The following TENM3 variants were observed in gnomAD, a reference collection of about 807,000 sequenced individuals.
TENM3 encodes teneurin-3.
In TENM3, 63 loss-of-function variants were observed where a neutral mutation model predicts 255.1. That is an observed-to-expected ratio of 0.25 (90% confidence interval 0.20 to 0.30). The LOEUF is 0.30. Ranked by LOEUF, TENM3 falls within the 10% of genes least tolerant of loss-of-function variation. TENM3 has a pLI of 1.00. For missense variants in TENM3, 2,929 were observed against 3,461.1 expected (o/e 0.85, Z 3.86); for synonymous variants, 1,306 against 1,322.3 (o/e 0.99, Z 0.27).
At chr4:181,830,401 T>C in the TENM3 span, among the ~76,000 whole-genome samples, 1 of 152,070 alleles carries the variant, frequency 6.6e-6, no homozygotes, top group Non-Finnish European at 1.5e-5. Context: ...CCCAAGTAGC[T>C]TGGGATTACA....
chr4:182,564,866 A>G (rs1442594300), intron 3 of TENM3, among the ~76,000 whole-genome samples: 1 of 152,190 alleles, frequency 6.6e-6, no homozygotes, highest in African/African-American at 2.4e-5. Context: ...ATTTTTAAAT[A>G]TACAAGTTTA....
chr4:182,775,936 A>G (rs1764651552), intron 24 of TENM3, among the ~76,000 whole-genome samples: 1 of 151,504 alleles, frequency 6.6e-6, no homozygotes, highest in Non-Finnish European at 1.5e-5. Context: ...CCATAACAAG[A>G]TAGATAGGAG....
the TENM3 span, among the ~76,000 whole-genome samples, chr4:181,887,987 A>G: frequency 1.3e-5 from 2 of 152,140 alleles, no homozygotes; most frequent in African/African-American, 4.8e-5. Context: ...AGCTTCCCAG[A>G]TGAGGCTCAA....
At chr4:181,968,540 G>C in the TENM3 span, among the ~76,000 whole-genome samples, 2 of 152,004 alleles carry the variant, frequency 1.3e-5, no homozygotes, top group African/African-American at 4.8e-5. Flanking sequence ...TTTTCCTCTT[G>C]ACTCATAAAA....
the TENM3 span, among the ~76,000 whole-genome samples, chr4:181,567,581 C>T: frequency 6.6e-6 from 1 of 152,158 alleles, no homozygotes; most frequent in African/African-American, 2.4e-5. Flanking sequence ...AAATTCTGAC[C>T]TTAGGGCTAA....
intron 5 of TENM3, among the ~76,000 whole-genome samples, chr4:182,642,708 G>A (rs1191921993): frequency 6.6e-6 from 1 of 152,170 alleles, no homozygotes; most frequent in Admixed American, 6.6e-5. Context: ...TATACTTTTA[G>A]AATGTTATCA....
At chr4:182,765,723 CTG>C (rs1763661661) in intron 22 of TENM3, among the ~76,000 whole-genome samples, 1 of 152,180 alleles carries the variant, frequency 6.6e-6, no homozygotes, top group Non-Finnish European at 1.5e-5. Context: ...AACTGCATGA[CTG>C]TGAGAGTCAG....
Position 182,196,901 on chromosome 4 carries a change from T to G in TENM3, c.-76+52147T>G, listed in dbSNP as rs561692314. Among the ~76,000 whole-genome samples, 92 of 152,162 alleles carry G rather than the reference T, an allele frequency of 6.0e-4. 2 individuals are homozygous for G. Among genetic ancestry groups the G allele is most frequent in the Non-Finnish European group, 1.1e-3 (72 of 68,040 alleles). On this transcript the variant is annotated intron_variant, in intron 1 of 2. Coordinates refer to the TENM3 transcript ENST00000512480. ...TCCTGCACTGGTCCTTCTTGTTTCC[T>G]TTCTCTCGTCCTCAAATGTGATGCA...
the TENM3 span, among the ~76,000 whole-genome samples, chr4:181,971,755 G>C: frequency 6.6e-6 from 1 of 151,860 alleles, no homozygotes; most frequent in African/African-American, 2.4e-5. Flanking sequence ...TGTTTGTAGA[G>C]ATGGATCTTT....
At chr4:181,677,194 T>C in the TENM3 span, among the ~76,000 whole-genome samples, 2 of 152,050 alleles carry the variant, frequency 1.3e-5, no homozygotes, top group Non-Finnish European at 2.9e-5. Flanking sequence ...ATTCACAAAT[T>C]TTATCTCCAG....
chr4:181,601,046 G>A, the TENM3 span, among the ~76,000 whole-genome samples: 1 of 152,082 alleles, frequency 6.6e-6, no homozygotes, highest in East Asian at 1.9e-4. Flanking sequence ...AGCCCAGAGT[G>A]GGGTCCCATC....
chr4:182,015,930 A>G, the TENM3 span, among the ~76,000 whole-genome samples: 1 of 152,194 alleles, frequency 6.6e-6, no homozygotes, highest in Non-Finnish European at 1.5e-5. Flanking sequence ...TTAAAAACAC[A>G]GGGATTGTTC....
At chr4:181,593,316 G>T in the TENM3 span, among the ~76,000 whole-genome samples, 5 of 152,172 alleles carry the variant, frequency 3.3e-5, no homozygotes, top group Non-Finnish European at 5.9e-5. Context: ...TTATAAACTG[G>T]CCATGTGCTG....
At chr4:181,567,781 C>T in the TENM3 span, among the ~76,000 whole-genome samples, 3 of 152,076 alleles carry the variant, frequency 2.0e-5, no homozygotes, top group Non-Finnish European at 4.4e-5. Context: ...TGAGGTCTTT[C>T]TACATATAAT....
chr4:182,105,521 T>C, the TENM3 span, among the ~76,000 whole-genome samples: 1 of 152,152 alleles, frequency 6.6e-6, no homozygotes, highest in Non-Finnish European at 1.5e-5. Flanking sequence ...CTCACTGTTA[T>C]GGTTTATTGC....
chr4:182,673,046 T>C lies in TENM3; in HGVS notation c.1153T>C (p.Ser385Pro), dbSNP rs1270509440. The change falls in exon 7 of 28, where the codon TCC becomes CCC. Residue 385 changes from serine to proline, a missense_variant. Physicochemically the swap from Ser to Pro is moderately conservative, Grantham distance 74. Transcript: ENST00000511685. ...TACGCAAGAAAATAACACCATAGATTCCGGAGAACTTGATATTGGCCGAAG... is the reference window on the plus strand; with the variant it reads ...TACGCAAGAAAATAACACCATAGATCCCGGAGAACTTGATATTGGCCGAAG... ...GFTQENNTID[S>P]GELDIGRRAI... is the part of the protein sequence containing the mutation. 6.2e-7 allele frequency: 1 copy of C among 1,604,898 alleles called. No individual in the cohort carries two copies. The highest frequency in any genetic ancestry group is 8.5e-7 in the Non-Finnish European group (1 of 1,174,870).
chr4:181,569,484 C>T, the TENM3 span, among the ~76,000 whole-genome samples: 2 of 152,132 alleles, frequency 1.3e-5, no homozygotes, highest in Admixed American at 6.6e-5. Flanking sequence ...TGGTAAGGTT[C>T]AGCCCATTTT....
intron 13 of TENM3, among the ~76,000 whole-genome samples, chr4:182,725,927 C>T (rs905925317): frequency 5.3e-5 from 8 of 152,074 alleles, no homozygotes; most frequent in East Asian, 1.9e-4. Context: ...TGTGAGCTAC[C>T]GCGCCCGGCT....
At chr4:182,668,091 T>C (rs990975229) in intron 6 of TENM3, among the ~76,000 whole-genome samples, 2 of 152,120 alleles carry the variant, frequency 1.3e-5, no homozygotes, top group African/African-American at 4.8e-5. Context: ...CTAGTAGTCC[T>C]AAATACCCCA....
Sources: allele counts gnomAD v4.1 joint callset (sites outside exome capture counted in the v4.1 genomes callset), GRCh38; gene constraint gnomAD v4.1.1; transcripts MANE v1.5; gene names NCBI Gene and HGNC (gene_info 2026-07-23, HGNC 2026-07-21).